CSMD2: variants seen among roughly 807,000 people sequenced by gnomAD.
CSMD2 encodes the protein CUB and Sushi multiple domains 2, also known as CUB and sushi domain-containing protein 2.
In CSMD2, 130 loss-of-function variants were observed where a neutral mutation model predicts 398.5. That is an observed-to-expected ratio of 0.33 (90% CI 0.28 to 0.38). The LOEUF is 0.38. CSMD2 is among the 10% of genes least tolerant of loss of function. CSMD2 has a pLI of 1.00. For synonymous variants in CSMD2, 1,828 were observed against 1,908.5 expected (o/e 0.96, Z 1.10); for missense variants, 3,829 against 4,764.9 (o/e 0.80, Z 5.78).
intron 5 of CSMD2, among the ~76,000 whole-genome samples, chr1:33,878,872 CTATT>C (rs1202839273): frequency 6.6e-6 from 1 of 152,206 alleles, no homozygotes; most frequent in Non-Finnish European, 1.5e-5. Flanking sequence ...CTTTGTAGTC[CTATT>C]TGCCACAGGT....
intron 15 of CSMD2, 75 bp downstream of exon 15, chr1:33,739,065 G>T: frequency 2.1e-6 from 3 of 1,438,414 alleles, no homozygotes; most frequent in Non-Finnish European, 2.8e-6. Flanking sequence ...AACCACCATG[G>T]CCTGGGCTGC....
chr1:33,811,784 C>A (rs1267141122), intron 9 of CSMD2, among the ~76,000 whole-genome samples: 1 of 152,194 alleles, frequency 6.6e-6, no homozygotes. Context: ...GTTCTAGCCA[C>A]TTCATTCTTT....
At chr1:33,571,414 G>T in intron 51 of CSMD2, 118 bp downstream of exon 51, 2 of 682,556 alleles carry the variant, frequency 2.9e-6, no homozygotes, top group Non-Finnish European at 2.1e-6. Context: ...TTAAAAAGCA[G>T]TACACTGCAA....
intron 5 of CSMD2, chr1:33,885,314 T>C (rs1007611866): frequency 6.6e-6 from 1 of 152,136 alleles, no homozygotes; most frequent in African/African-American, 2.4e-5. Context: ...AGATACACTA[T>C]TCTCAAAAAC....
chr1:33,596,500 G>T (rs2148787306), intron 44 of CSMD2, among the ~76,000 whole-genome samples: 1 of 152,282 alleles, frequency 6.6e-6, no homozygotes, highest in South Asian at 2.1e-4. Context: ...CTGAGATTGG[G>T]TATTTTATAA....
chr1:33,876,361 C>T (rs1640840049), intron 5 of CSMD2, among the ~76,000 whole-genome samples: 1 of 152,146 alleles, frequency 6.6e-6, no homozygotes, highest in Non-Finnish European at 1.5e-5. Flanking sequence ...GCCATGTGGC[C>T]CTGGGCAATT....
At chr1:34,032,777 G>T in intron 2 of CSMD2, 71 bp from the exon 3 acceptor site, 1 of 1,046,976 alleles carries the variant, frequency 9.6e-7, no homozygotes. Flanking sequence ...AGCATTTATT[G>T]AGTGCCTGCT....
intron 25 of CSMD2, among the ~76,000 whole-genome samples, chr1:33,666,389 TTA>T (rs1225863909): frequency 3.3e-5 from 5 of 152,218 alleles, no homozygotes; most frequent in South Asian, 2.1e-4. Context: ...TTGCAAAGTT[TTA>T]TGTTTTTCAT....
At chr1:33,844,513 TGCACTATGCG>T (rs1269663571) in intron 6 of CSMD2, among the ~76,000 whole-genome samples, 1 of 152,224 alleles carries the variant, frequency 6.6e-6, no homozygotes, top group African/African-American at 2.4e-5. Context: ...TGTATATCCT[TGCACTATGCG>T]GTCTCAGTCA....
intron 3 of CSMD2, among the ~76,000 whole-genome samples, chr1:33,945,859 C>G (rs962251794): frequency 2.0e-5 from 3 of 152,118 alleles, no homozygotes; most frequent in Non-Finnish European, 4.4e-5. Context: ...TATATCTAGA[C>G]AGAAAAACAC....
intron 51 of CSMD2, 88 bp from the exon 52 acceptor site, chr1:33,569,635 G>C (rs1659398818): frequency 7.4e-7 from 1 of 1,358,468 alleles, no homozygotes; most frequent in African/African-American, 1.4e-5. Context: ...ACAAAAATAA[G>C]ACCTGTTTAA....
intron 12 of CSMD2, among the ~76,000 whole-genome samples, chr1:33,784,066 A>G (rs574014839): frequency 2.0e-5 from 3 of 152,046 alleles, no homozygotes; most frequent in South Asian, 4.1e-4. Context: ...GGGAAGCCAT[A>G]TCAAAATGTG....
intron 5 of CSMD2, among the ~76,000 whole-genome samples, chr1:33,909,070 A>C (rs1298647767): frequency 6.6e-6 from 1 of 152,192 alleles, no homozygotes; most frequent in African/African-American, 2.4e-5. Context: ...TTCGCTTACC[A>C]GCTCAGCCAA....
At chr1:33,655,339 T>C (rs951416053) in intron 27 of CSMD2, among the ~76,000 whole-genome samples, 1 of 152,258 alleles carries the variant, frequency 6.6e-6, no homozygotes, top group Non-Finnish European at 1.5e-5. Context: ...AGAATAATGA[T>C]GATAATGGCT....
chr1:33,775,201 T>C (rs1651814129), intron 12 of CSMD2, among the ~76,000 whole-genome samples: 1 of 152,068 alleles, frequency 6.6e-6, no homozygotes, highest in East Asian at 1.9e-4. Flanking sequence ...ATAAATCCAA[T>C]TCACAATGAA....
intron 3 of CSMD2, among the ~76,000 whole-genome samples, chr1:33,958,602 T>C (rs569343338): frequency 6.6e-6 from 1 of 152,270 alleles, no homozygotes; most frequent in South Asian, 2.1e-4. Context: ...GTTTAGAGGT[T>C]AGAGACTTGA....
chr1:33,857,952 C>G (rs1298532848), intron 5 of CSMD2, among the ~76,000 whole-genome samples: 2 of 152,182 alleles, frequency 1.3e-5, no homozygotes, highest in Non-Finnish European at 2.9e-5. Context: ...TGTGAGTTAT[C>G]AACCCAGAGT....
intron 29 of CSMD2, among the ~76,000 whole-genome samples, chr1:33,639,277 T>C (rs1371968335): frequency 6.6e-6 from 1 of 152,230 alleles, no homozygotes; most frequent in African/African-American, 2.4e-5. Context: ...ATTTCTTTTA[T>C]AGGAAGTCTG....
intron 2 of CSMD2, among the ~76,000 whole-genome samples, chr1:34,077,792 A>C (rs1240720129): frequency 6.9e-6 from 1 of 144,420 alleles, no homozygotes; most frequent in African/African-American, 2.6e-5. Flanking sequence ...AAAAGGGAGG[A>C]GTTTGGGAGG....
Sources: allele counts gnomAD v4.1 joint callset (sites outside exome capture counted in the v4.1 genomes callset), GRCh38; gene constraint gnomAD v4.1.1; transcripts MANE v1.5; gene names NCBI Gene and HGNC (gene_info 2026-07-23, HGNC 2026-07-21).